The following SHF variants were observed in gnomAD, a reference collection of about 807,000 sequenced individuals.
SHF encodes Src homology 2 domain containing F.
A neutral mutation model predicts 42.4 loss-of-function variants in SHF; 30 were observed. The ratio of observed to expected loss-of-function variants is 0.71; its 90% confidence interval spans 0.53 to 0.96. The LOEUF is 0.96. SHF is among the 40% of genes least tolerant of loss of function. The probability of loss-of-function intolerance (pLI) is 0.00; values close to 1 mark genes in which losing one functional copy is unlikely to be tolerated. For synonymous variants in SHF, 264 were observed against 269.9 expected (o/e 0.98, Z 0.21); for missense variants, 598 against 634.0 (o/e 0.94, Z 0.61).
Position 45,187,806 on chromosome 15 carries a change from T to G in SHF, c.146A>C (p.Lys49Thr). The change falls in exon 1 of 7, where the codon AAG becomes ACG. Residue 49 changes from lysine to threonine, a missense_variant. Lys to Thr is a moderately conservative substitution (Grantham distance 78). This residue lies in a region of SHF where 159 missense variants were observed against 109.3 expected (regional missense o/e 1.45). Transcript: ENST00000690270. ...PGGGGSGGVAKWLREHLGFRG... is the reference protein window; with the variant it reads ...PGGGGSGGVATWLREHLGFRG... ...GAAGCCCAGGTGCTCCCGGAGCCAC[T>G]TGGCTACTCCGCCGCTGCCGCCCCC... The G allele has an allele frequency of 1.2e-6, 1 of 867,204 alleles. No homozygotes were observed. Among genetic ancestry groups the G allele is most frequent in the African/African-American group, 1.8e-5 (1 of 55,990 alleles). The allele number at this position is 867,204 out of a possible 1,614,324, so 53.7% of individuals were successfully genotyped here.
chr15:45,179,166 G>A (rs1488764367), intron 1 of SHF, among the ~76,000 whole-genome samples: 3 of 152,248 alleles, frequency 2.0e-5, no homozygotes, highest in East Asian at 1.9e-4. Context: ...TTCTGCTGAC[G>A]GATCCTCACA....
chr15:45,175,737 G>A (rs541437662), intron 2 of SHF, among the ~76,000 whole-genome samples: 17 of 152,160 alleles, frequency 1.1e-4, no homozygotes, highest in Admixed American at 7.2e-4. Flanking sequence ...CAACCCTCCC[G>A]TTGTCCACTT....
intron 1 of SHF, chr15:45,180,988 T>G (rs1898094515): frequency 6.6e-6 from 1 of 152,272 alleles, no homozygotes; most frequent in Non-Finnish European, 1.5e-5. Flanking sequence ...CACCAGAAGC[T>G]GCTTGGTCAG....
At chr15:45,177,774 C>G (rs1897895725) in intron 2 of SHF, among the ~76,000 whole-genome samples, 1 of 152,192 alleles carries the variant, frequency 6.6e-6, no homozygotes, top group African/African-American at 2.4e-5. Context: ...TGCCCAGGCT[C>G]ATGGCACCCA....
At chr15:45,187,055 A>G (rs1255279281) in intron 1 of SHF, among the ~76,000 whole-genome samples, 2 of 152,214 alleles carry the variant, frequency 1.3e-5, no homozygotes, top group Admixed American at 1.3e-4. Context: ...AGGGTCAGAG[A>G]TCAAAGGGCA....
intron 6 of SHF, among the ~76,000 whole-genome samples, chr15:45,169,716 A>G (rs887871532): frequency 4.6e-5 from 7 of 152,240 alleles, no homozygotes; most frequent in Non-Finnish European, 7.3e-5. Flanking sequence ...AAGAAGGACA[A>G]GTGGCCAGAG....
intron 1 of SHF, among the ~76,000 whole-genome samples, chr15:45,181,856 A>T (rs1244301179): frequency 6.6e-6 from 1 of 152,232 alleles, no homozygotes; most frequent in African/African-American, 2.4e-5. Context: ...AAATAAATAA[A>T]TAAATAAAAA....
At chr15:45,168,224 A>G (rs1706816) in intron 6 of SHF, 91 bp from the exon 7 acceptor site, 1,048,524 of 1,269,830 alleles carry the variant, frequency 0.83, 445,821 homozygotes, top group Non-Finnish European at 0.88. Context: ...CCTACAGCAA[A>G]TGTGGTGGTT....
intron 1 of SHF, chr15:45,181,194 C>G (rs1898106530): frequency 6.6e-6 from 1 of 152,388 alleles, no homozygotes; most frequent in Non-Finnish European, 1.5e-5. Flanking sequence ...CCATGGGCAC[C>G]CAGGTGGCAA....
chr15:45,198,624 A>G, intron 2 of SHF: 1 of 1,005,174 alleles, frequency 9.9e-7, no homozygotes, highest in Non-Finnish European at 1.4e-6. Flanking sequence ...CTCGGATTCG[A>G]ACCGAGGTTG....
chr15:45,171,589 T>C, intron 6 of SHF: 1 of 457,658 alleles, frequency 2.2e-6, no homozygotes, highest in Non-Finnish European at 4.0e-6. Flanking sequence ...CCCTATATTA[T>C]CCCCCATCCA....
At chr15:45,172,985 G>A (rs879269098) in intron 4 of SHF, among the ~76,000 whole-genome samples, 7 of 152,162 alleles carry the variant, frequency 4.6e-5, no homozygotes, top group Admixed American at 2.6e-4. Context: ...ACATGCGCAC[G>A]TGCACGTACG....
At chr15:45,185,122 G>A (rs1898321239) in intron 1 of SHF, among the ~76,000 whole-genome samples, 1 of 152,220 alleles carries the variant, frequency 6.6e-6, no homozygotes, top group African/African-American at 2.4e-5. Context: ...TCCCTTCTCA[G>A]AGGGTTCTGA....
At chr15:45,171,843 C>T (rs949067293) in intron 6 of SHF, 40 bp downstream of exon 6, 1 of 1,599,390 alleles carries the variant, frequency 6.3e-7, no homozygotes, top group South Asian at 1.1e-5. Context: ...CCCCTTCCAC[C>T]CTGCTTGCTG....
At chr15:45,196,741 C>CA (rs991576857) in intron 2 of SHF, among the ~76,000 whole-genome samples, 4 of 151,460 alleles carry the variant, frequency 2.6e-5, no homozygotes, top group East Asian at 2.0e-4. Context: ...ACTAAAAATA[C>CA]AAAAAAAATT....
chr15:45,187,931 A>G lies in SHF; in HGVS notation c.21T>C (p.Pro7=). Residue 7 remains proline (P), a synonymous_variant, in exon 1 of 7, where the codon CCT becomes CCC. Transcript: ENST00000690270. ...GCGGCCCCGGGCGGGAGCCAGCCGG[A>G]GGAGCTCCGCTCAGTAACATGGGGC... The part of the protein sequence containing the change: MLLSGA[P]PAGSRPGPRT... The G allele has an allele frequency of 9.1e-7, 1 of 1,099,752 alleles. No individual in the cohort carries two copies. The highest frequency in any genetic ancestry group is 1.1e-6 in the Non-Finnish European group (1 of 907,176). The allele number at this position is 1,099,752 out of a possible 1,614,324, so 68.1% of individuals were successfully genotyped here. A position where few individuals can be genotyped will look rare whatever the true frequency, so the allele number is the denominator to read the frequency against.
At chr15:45,172,857 C>T (rs1246479010) in intron 4 of SHF, among the ~76,000 whole-genome samples, 2 of 151,994 alleles carry the variant, frequency 1.3e-5, no homozygotes, top group South Asian at 2.1e-4. Context: ...TTGCTGCCCA[C>T]TGGCTCCCCT....
chr15:45,169,425 G>A (rs1897363193), intron 6 of SHF, among the ~76,000 whole-genome samples: 1 of 152,216 alleles, frequency 6.6e-6, no homozygotes, highest in Non-Finnish European at 1.5e-5. Flanking sequence ...TGGGAGTCAG[G>A]GTGCAGGGTG....
chr15:45,196,317 C>T (rs1898860633), intron 2 of SHF, among the ~76,000 whole-genome samples: 2 of 152,180 alleles, frequency 1.3e-5, no homozygotes, highest in African/African-American at 4.8e-5. Flanking sequence ...TGGTCTCGAA[C>T]TCCTGACCTC....
Sources: allele counts gnomAD v4.1 joint callset (sites outside exome capture counted in the v4.1 genomes callset), GRCh38; gene constraint gnomAD v4.1.1; regional missense constraint gnomAD v4.1.1; transcripts MANE v1.5; gene names NCBI Gene and HGNC (gene_info 2026-07-23, HGNC 2026-07-21).